The following DENND1A variants were observed in gnomAD, a reference collection of about 807,000 sequenced individuals.
DENND1A encodes DENN domain containing 1A.
In DENND1A, 51 loss-of-function variants were observed where a neutral mutation model predicts 113.7. That is an observed-to-expected ratio of 0.45 (90% CI 0.36 to 0.57). DENND1A has a LOEUF of 0.57. Among genes scored for constraint, DENND1A ranks in the 20% least tolerant of loss-of-function variants. DENND1A has a pLI of 0.00. For synonymous variants in DENND1A, 565 were observed against 570.8 expected, an observed-to-expected ratio of 0.99 and a Z score of 0.14; for missense variants, 1,258 against 1,395.9, an observed-to-expected ratio of 0.90 and a Z score of 1.57.
chr9:123,486,206 G>A (rs963399169), intron 13 of DENND1A, among the ~76,000 whole-genome samples: 1 of 152,136 alleles, frequency 6.6e-6, no homozygotes, highest in African/African-American at 2.4e-5. Flanking sequence ...CAGTAAAAAT[G>A]GGGAGAGGCT....
At chr9:123,573,116 C>T (rs1273504886) in intron 12 of DENND1A, among the ~76,000 whole-genome samples, 2 of 152,058 alleles carry the variant, frequency 1.3e-5, no homozygotes, top group African/African-American at 2.4e-5. Flanking sequence ...ATGTGTAGGT[C>T]TAATTCTGGA....
In DENND1A at chr9:123,803,278, C is replaced by T. The variant is rs182064584; in HGVS notation, c.89-10648G>A. 3.9e-5 allele frequency among the ~76,000 whole-genome samples: 6 copies of T among 152,244 alleles called. No homozygotes were observed. The East Asian group carries it at 7.7e-4, about 20-fold the overall frequency. ...GCTGGACAAAAACACACAGCTATGC[C>T]GATTAATCTCACCTTAAATCTGTGG... On this transcript the variant is annotated intron_variant, in intron 2 of 23. Coordinates refer to ENST00000394215, the MANE Select transcript of DENND1A (RefSeq NM_001352964.2).
chr9:123,455,581 C>G (rs971419424), intron 15 of DENND1A, among the ~76,000 whole-genome samples: 18 of 152,298 alleles, frequency 1.2e-4, no homozygotes, highest in African/African-American at 4.3e-4. Context: ...TAGGTAACAG[C>G]CACTGAGACA....
intron 2 of DENND1A, among the ~76,000 whole-genome samples, chr9:123,794,687 C>T (rs1378213958): frequency 2.0e-5 from 3 of 152,190 alleles, no homozygotes; most frequent in Non-Finnish European, 4.4e-5. Context: ...TTAAAAATAC[C>T]ATTCTTATTC....
At chr9:123,801,207 T>G (rs1207270003) in intron 2 of DENND1A, among the ~76,000 whole-genome samples, 7 of 152,240 alleles carry the variant, frequency 4.6e-5, no homozygotes, top group Non-Finnish European at 1.0e-4. Context: ...AGTACCATGT[T>G]GTGACATTGA....
intron 12 of DENND1A, among the ~76,000 whole-genome samples, chr9:123,561,956 C>A (rs540057060): frequency 9.2e-5 from 14 of 152,262 alleles, no homozygotes; most frequent in Non-Finnish European, 1.6e-4. Context: ...ATGACATTGG[C>A]CCTGCAAATT....
intron 13 of DENND1A, among the ~76,000 whole-genome samples, chr9:123,503,016 T>A (rs561067409): frequency 6.6e-6 from 1 of 152,344 alleles, no homozygotes; most frequent in South Asian, 2.1e-4. Flanking sequence ...AGTTTGCTCA[T>A]TGATTTAGCA....
chr9:123,389,899 A>C (rs926112264), intron 21 of DENND1A, among the ~76,000 whole-genome samples: 1 of 152,202 alleles, frequency 6.6e-6, no homozygotes, highest in African/African-American at 2.4e-5. Context: ...AGCTCCGAGC[A>C]GGGCAGTCTC....
chr9:123,921,401 C>T (rs1038797637), intron 1 of DENND1A, among the ~76,000 whole-genome samples: 1 of 152,224 alleles, frequency 6.6e-6, no homozygotes, highest in African/African-American at 2.4e-5. Context: ...CCAATGCTCA[C>T]ATACCCCTGG....
At chr9:123,503,714 T>C (rs2052683066) in intron 13 of DENND1A, among the ~76,000 whole-genome samples, 1 of 152,160 alleles carries the variant, frequency 6.6e-6, no homozygotes, top group Non-Finnish European at 1.5e-5. Flanking sequence ...TTCCCACCCC[T>C]GTAGGCCAGC....
At chr9:123,771,315 C>T (rs1829691369) in intron 3 of DENND1A, among the ~76,000 whole-genome samples, 1 of 152,152 alleles carries the variant, frequency 6.6e-6, no homozygotes, top group African/African-American at 2.4e-5. Flanking sequence ...GCCTGCTGTG[C>T]TAATTATAAA....
At chr9:123,796,130 C>T (rs746062667) in intron 2 of DENND1A, among the ~76,000 whole-genome samples, 2 of 152,138 alleles carry the variant, frequency 1.3e-5, no homozygotes, top group African/African-American at 2.4e-5. Context: ...ATAATATGTA[C>T]GCCCTAATAG....
chr9:123,618,408 C>G (rs148780280), intron 10 of DENND1A, among the ~76,000 whole-genome samples: 1 of 152,208 alleles, frequency 6.6e-6, no homozygotes, highest in Non-Finnish European at 1.5e-5. Context: ...GTGTCACTCA[C>G]GTACAGAATG....
In DENND1A at chr9:123,494,890, G is replaced by A. The variant is rs183003637; in HGVS notation, c.994-36993C>T. On this transcript the variant is annotated intron_variant, in intron 13 of 23. Transcript: ENST00000394215. ...CACTGCAACCTCTGCCTCCCGGGTT[G>A]AAGCGATTCTCATGCCTCAGCCTCC... Among the ~76,000 whole-genome samples, 139 of 152,100 alleles carry A rather than the reference G, an allele frequency of 9.1e-4. 1 individual carries two copies. The highest frequency in any genetic ancestry group is 3.2e-3 in the African/African-American group (134 of 41,494).
chr9:123,898,521 G>C (rs1275740804), intron 1 of DENND1A, among the ~76,000 whole-genome samples: 1 of 151,792 alleles, frequency 6.6e-6, no homozygotes, highest in East Asian at 1.9e-4. Flanking sequence ...TAAAGACAGG[G>C]TCTCCCTATT....
intron 5 of DENND1A, among the ~76,000 whole-genome samples, chr9:123,689,120 C>T (rs953612535): frequency 1.3e-5 from 2 of 152,066 alleles, no homozygotes; most frequent in Non-Finnish European, 2.9e-5. Flanking sequence ...CACCTTCCAG[C>T]TTCAAGCGAT....
chr9:123,798,796 T>C (rs1834169015), intron 2 of DENND1A, among the ~76,000 whole-genome samples: 2 of 151,332 alleles, frequency 1.3e-5, no homozygotes, highest in Non-Finnish European at 2.9e-5. Context: ...CTACTGAATA[T>C]CTTAGTTTTC....
At chr9:123,558,890 T>C (rs2057576963) in intron 12 of DENND1A, among the ~76,000 whole-genome samples, 1 of 152,086 alleles carries the variant, frequency 6.6e-6, no homozygotes, top group Non-Finnish European at 1.5e-5. Flanking sequence ...CTATGTTAGG[T>C]GTTGAGAATG....
At chr9:123,718,679 T>C (rs185808228) in intron 5 of DENND1A, among the ~76,000 whole-genome samples, 2 of 152,346 alleles carry the variant, frequency 1.3e-5, no homozygotes, top group East Asian at 3.9e-4. Context: ...CTCTCTTGGC[T>C]GCAGGAACAT....
Sources: gnomAD v4.1 joint callset for allele counts (sites outside exome capture counted in the v4.1 genomes callset) on GRCh38, gnomAD v4.1.1 for gene constraint, MANE v1.5 for transcripts, NCBI Gene and HGNC (gene_info 2026-07-23, HGNC 2026-07-21) for gene names.